SGCD: variants seen among roughly 807,000 people sequenced by gnomAD.
SGCD encodes sarcoglycan delta.
SGCD carries 18 observed loss-of-function variants against 36.6 expected under a neutral mutation model. The ratio of observed to expected loss-of-function variants is 0.49; its 90% CI spans 0.34 to 0.73. The LOEUF is 0.73. Ranked by LOEUF, SGCD falls within the 30% of genes least tolerant of loss-of-function variation. The pLI is 0.01. For missense variants in SGCD, 387 were observed against 346.7 expected (o/e 1.12, Z -0.92); for synonymous variants, 133 against 130.6 (o/e 1.02, Z -0.12).
intron 1 of SGCD, among the ~76,000 whole-genome samples, chr5:155,965,062 C>T (rs1436282425): frequency 6.6e-6 from 1 of 152,054 alleles, no homozygotes; most frequent in Non-Finnish European, 1.5e-5. Flanking sequence ...AGACAACTTT[C>T]AGAGAATGGG....
Position 156,310,998 on chromosome 5 carries a change from A to C in SGCD, c.-43-18536A>C, listed in dbSNP as rs570822164. On this transcript the variant is annotated intron_variant, in intron 3 of 9. Coordinates refer to the SGCD transcript ENST00000517913. ...AACCAGGTAAAGAGGAGCAGTAAAAATTTCTAGTTAGAGGGAACAGCATCT... is the reference window on the plus strand; with the variant it reads ...AACCAGGTAAAGAGGAGCAGTAAAACTTTCTAGTTAGAGGGAACAGCATCT... Among the ~76,000 whole-genome samples the C allele has an allele frequency of 4.6e-5, 7 of 152,306 alleles. No individual in the cohort carries two copies. In the East Asian group the frequency reaches 9.6e-4, roughly 21 times the overall value.
chr5:156,522,332 T>TA (rs1757445620), intron 4 of SGCD, among the ~76,000 whole-genome samples: 1 of 152,010 alleles, frequency 6.6e-6, no homozygotes, highest in Non-Finnish European at 1.5e-5. Flanking sequence ...CCCTAGAACT[T>TA]AAAGTATAAT....
In SGCD at chr5:156,623,259, G is replaced by A. The variant is rs535785191; in HGVS notation, c.503-24205G>A. The stretch of plus-strand genomic sequence containing the variant: ...GGCGTTCGGACTTTTAAGGCAATGG[G>A]GATGCATTGAAGGGCTTCTGACTGG... On this transcript the variant is annotated intron_variant, in intron 6 of 8. Coordinates refer to ENST00000337851, the MANE Select transcript of SGCD (RefSeq NM_000337.6). 2.0e-5 allele frequency among the ~76,000 whole-genome samples: 3 copies of A among 152,202 alleles called. No individual in the cohort carries two copies. In the South Asian group the frequency reaches 6.2e-4, roughly 32 times the overall value.
the SGCD span, among the ~76,000 whole-genome samples, chr5:155,764,133 G>C: frequency 2.0e-5 from 3 of 152,108 alleles, no homozygotes; most frequent in African/African-American, 7.2e-5. Flanking sequence ...CCAACTCTTA[G>C]AAAGTTAAAT....
chr5:156,289,838 G>A (rs774015113), intron 3 of SGCD, among the ~76,000 whole-genome samples: 2 of 151,958 alleles, frequency 1.3e-5, no homozygotes, highest in Non-Finnish European at 2.9e-5. Flanking sequence ...TTCAATAAAT[G>A]TTCTCTGAGA....
At chr5:155,874,331 A>C (rs1755720657) in intron 1 of SGCD, among the ~76,000 whole-genome samples, 1 of 152,114 alleles carries the variant, frequency 6.6e-6, no homozygotes, top group Admixed American at 6.6e-5. Context: ...ATTTCTAGAA[A>C]CTGTTTGAAG....
intron 3 of SGCD, among the ~76,000 whole-genome samples, chr5:156,365,769 G>GTATA (rs1444934449): frequency 1.4e-5 from 2 of 142,294 alleles, no homozygotes; most frequent in African/African-American, 5.8e-5. Flanking sequence ...TTACATGTAT[G>GTATA]TCTATATTTC....
At chr5:156,300,111 C>G (rs1767013914) in intron 3 of SGCD, among the ~76,000 whole-genome samples, 1 of 151,894 alleles carries the variant, frequency 6.6e-6, no homozygotes, top group Non-Finnish European at 1.5e-5. Context: ...TTTCTTCTAT[C>G]CCCAGGTTTT....
At chr5:156,566,368 T>C (rs1759477902) in intron 4 of SGCD, among the ~76,000 whole-genome samples, 1 of 152,222 alleles carries the variant, frequency 6.6e-6, no homozygotes. Context: ...ATTTTAATAT[T>C]GCAATAAGAT....
chr5:156,114,469 G>A (rs961974071), intron 1 of SGCD, among the ~76,000 whole-genome samples: 20 of 152,050 alleles, frequency 1.3e-4, no homozygotes, highest in Non-Finnish European at 2.6e-4. Context: ...GATCATAAAA[G>A]CATTTTATAA....
chr5:156,272,116 C>T (rs1033204814), intron 3 of SGCD, among the ~76,000 whole-genome samples: 56 of 152,270 alleles, frequency 3.7e-4, no homozygotes, highest in African/African-American at 1.3e-3. Flanking sequence ...ACCCATCACT[C>T]AAGCAGTGTA....
chr5:156,688,004 C>T (rs1753969149), intron 7 of SGCD, among the ~76,000 whole-genome samples: 1 of 152,196 alleles, frequency 6.6e-6, no homozygotes, highest in Admixed American at 6.6e-5. Flanking sequence ...ACTCACACCA[C>T]TATCTCACTG....
chr5:156,468,312 G>A (rs190615910), intron 3 of SGCD, among the ~76,000 whole-genome samples: 1 of 139,244 alleles, frequency 7.2e-6, no homozygotes, highest in African/African-American at 2.7e-5. Context: ...CTGCACTTTA[G>A]CTTGGGTGAC....
intron 1 of SGCD, among the ~76,000 whole-genome samples, chr5:156,084,239 T>C (rs1050825865): frequency 2.6e-5 from 4 of 152,202 alleles, no homozygotes; most frequent in African/African-American, 9.7e-5. Flanking sequence ...CGGTATGTTT[T>C]CCTATATAGG....
At chr5:155,908,632 C>T (rs897624550) in intron 1 of SGCD, among the ~76,000 whole-genome samples, 3 of 152,008 alleles carry the variant, frequency 2.0e-5, no homozygotes, top group Non-Finnish European at 4.4e-5. Flanking sequence ...GTTGTCAAAC[C>T]CTGGTCAATA....
the SGCD span, among the ~76,000 whole-genome samples, chr5:155,774,598 T>C: frequency 1.3e-5 from 2 of 152,112 alleles, no homozygotes; most frequent in African/African-American, 4.8e-5. Flanking sequence ...GCTGCCAGCA[T>C]TCCATGGCTC....
chr5:155,773,814 G>C, the SGCD span, among the ~76,000 whole-genome samples: 1 of 152,120 alleles, frequency 6.6e-6, no homozygotes, highest in Non-Finnish European at 1.5e-5. Context: ...GATGGAAGAA[G>C]AATGCTACAA....
intron 4 of SGCD, among the ~76,000 whole-genome samples, chr5:156,531,584 C>G (rs984311615): frequency 3.3e-5 from 5 of 152,100 alleles, no homozygotes; most frequent in African/African-American, 1.2e-4. Flanking sequence ...GGTCGGTGGT[C>G]CTGTTCGATC....
intron 1 of SGCD, among the ~76,000 whole-genome samples, chr5:155,971,740 G>A (rs1227465515): frequency 6.6e-6 from 1 of 152,094 alleles, no homozygotes; most frequent in Non-Finnish European, 1.5e-5. Context: ...TACCTGTTGA[G>A]TGTCCTATAG....
Sources: allele counts gnomAD v4.1 joint callset (sites outside exome capture counted in the v4.1 genomes callset), GRCh38; gene constraint gnomAD v4.1.1; transcripts MANE v1.5; gene names NCBI Gene and HGNC (gene_info 2026-07-23, HGNC 2026-07-21).